Variants in PBX1 observed in about 807,000 individuals in gnomAD.
PBX1 encodes the protein PBX homeobox 1.
A neutral mutation model predicts 53.4 loss-of-function variants in PBX1; 6 were observed. That is an observed-to-expected ratio of 0.11 (90% confidence interval 0.06 to 0.22). The LOEUF (loss-of-function observed/expected upper bound fraction) is 0.22, where lower values mean the gene tolerates loss of function less well. Among genes scored for constraint, PBX1 ranks in the 10% least tolerant of loss-of-function variants. PBX1 has a pLI of 1.00. For synonymous variants in PBX1, 204 were observed against 212.3 expected (o/e 0.96, Z 0.34); for missense variants, 251 against 551.4 (o/e 0.46, Z 5.46).
chr1:164,635,257 C>T (rs536301057), intron 2 of PBX1, among the ~76,000 whole-genome samples: 2 of 152,196 alleles, frequency 1.3e-5, no homozygotes, highest in South Asian at 4.1e-4. Context: ...CCCCTGCTCC[C>T]CTGCTGTGTC....
At chr1:164,624,389 A>T (rs1316914564) in intron 2 of PBX1, among the ~76,000 whole-genome samples, 1 of 152,216 alleles carries the variant, frequency 6.6e-6, no homozygotes, top group East Asian at 1.9e-4. Flanking sequence ...GTAGGAGTAA[A>T]ACAAGGAGTG....
chr1:164,648,814 G>A, intron 2 of PBX1, among the ~76,000 whole-genome samples: 1 of 152,232 alleles, frequency 6.6e-6, no homozygotes, highest in Admixed American at 6.5e-5. Context: ...GAGCAAGGCA[G>A]TGTAATGTAA....
rs1012056010 is a variant in PBX1, at chr1:164,724,013, G to A, written c.266-68481G>A. The stretch of plus-strand genomic sequence containing the variant: ...GTAGTCTGTGGGTCTACCTGAACAC[G>A]TATGCTTACCAGAAACAAGGTTCTT... On this transcript the variant is annotated intron_variant, in intron 2 of 8. Transcript: ENST00000420696. Among the ~76,000 whole-genome samples, 4 of 152,224 alleles carry A rather than the reference G, an allele frequency of 2.6e-5. No individual in the cohort carries two copies. In the East Asian group the frequency reaches 7.7e-4, roughly 29 times the overall value.
intron 2 of PBX1, among the ~76,000 whole-genome samples, chr1:164,594,205 T>TCA (rs1164064465): frequency 1.3e-5 from 2 of 152,136 alleles, no homozygotes; most frequent in African/African-American, 4.8e-5. Flanking sequence ...TGTAGGAAGA[T>TCA]CACGCAGAAG....
At chr1:164,733,992 G>C (rs80290268) in intron 2 of PBX1, among the ~76,000 whole-genome samples, 4 of 152,120 alleles carry the variant, frequency 2.6e-5, no homozygotes, top group Non-Finnish European at 5.9e-5. Flanking sequence ...GGGCTTTGGC[G>C]TATGCATGCA....
chr1:164,641,714 T>C (rs1659158441), intron 2 of PBX1: 1 of 152,198 alleles, frequency 6.6e-6, no homozygotes, highest in African/African-American at 2.4e-5. Context: ...TTTTAAGAAT[T>C]CCAGATTTTA....
chr1:164,740,795 TAAG>T (rs1284775767), intron 2 of PBX1, among the ~76,000 whole-genome samples: 1 of 152,186 alleles, frequency 6.6e-6, no homozygotes, highest in Admixed American at 6.5e-5. Flanking sequence ...CAGTACTTAA[TAAG>T]AAGTACTTTA....
intron 2 of PBX1, among the ~76,000 whole-genome samples, chr1:164,592,517 T>G (rs1243171728): frequency 1.3e-5 from 2 of 152,218 alleles, no homozygotes; most frequent in African/African-American, 4.8e-5. Flanking sequence ...TTACCATTTC[T>G]CCTTGTCATT....
At chr1:164,660,988 A>G (rs550553760) in intron 2 of PBX1, among the ~76,000 whole-genome samples, 1 of 152,162 alleles carries the variant, frequency 6.6e-6, no homozygotes, top group Non-Finnish European at 1.5e-5. Flanking sequence ...AACCCAGAGA[A>G]TTGCCAGCTG....
intron 2 of PBX1, among the ~76,000 whole-genome samples, chr1:164,685,343 T>A (rs757479823): frequency 7.2e-5 from 11 of 152,226 alleles, no homozygotes; most frequent in Non-Finnish European, 1.5e-4. Flanking sequence ...GTTCTATTTA[T>A]ATGAAAAATG....
In PBX1 at chr1:164,822,726, T is replaced by A. The variant is rs375738367; in HGVS notation, c.1200+1100T>A. ...TAAAAGAGAAAATTTGGGGGTTACA[T>A]AGTAGTGTAAGGCATGCTAACACTA... On this transcript the variant is annotated intron_variant, in intron 8 of 8. Coordinates refer to ENST00000420696, the MANE Select transcript of PBX1 (RefSeq NM_002585.4). Among the ~76,000 whole-genome samples, 3 of 152,304 alleles carry A rather than the reference T, an allele frequency of 2.0e-5. No homozygotes were observed. In the East Asian group the frequency reaches 5.8e-4, roughly 29 times the overall value.
chr1:164,835,742 T>C (rs924678707), intron 8 of PBX1, among the ~76,000 whole-genome samples: 4 of 152,126 alleles, frequency 2.6e-5, no homozygotes, highest in Non-Finnish European at 4.4e-5. Context: ...AGGACTCCTG[T>C]GGAATAAGGC....
At chr1:164,579,334 A>G (rs974805297) in intron 2 of PBX1, among the ~76,000 whole-genome samples, 1 of 151,108 alleles carries the variant, frequency 6.6e-6, no homozygotes, top group South Asian at 2.1e-4. Context: ...GTCATCTTTC[A>G]CTTTCATACC....
chr1:164,614,508 T>C (rs1657140635), intron 2 of PBX1, among the ~76,000 whole-genome samples: 1 of 152,092 alleles, frequency 6.6e-6, no homozygotes, highest in Non-Finnish European at 1.5e-5. Flanking sequence ...TCCCCTATTC[T>C]CTATGTTGAC....
intron 2 of PBX1, among the ~76,000 whole-genome samples, chr1:164,618,301 G>GGT (rs1553217615): frequency 7.0e-6 from 1 of 142,182 alleles, no homozygotes; most frequent in Non-Finnish European, 1.6e-5. Context: ...TCACGGCGGG[G>GGT]GGGGGGGGGC....
At chr1:164,589,063 C>T (rs895835848) in intron 2 of PBX1, among the ~76,000 whole-genome samples, 1 of 152,114 alleles carries the variant, frequency 6.6e-6, no homozygotes, top group Non-Finnish European at 1.5e-5. Flanking sequence ...CAAAGTGGCG[C>T]AGACCTTTTC....
chr1:164,669,475 C>T (rs1014146363), intron 2 of PBX1, among the ~76,000 whole-genome samples: 15 of 152,178 alleles, frequency 9.9e-5, no homozygotes, highest in Non-Finnish European at 2.1e-4. Flanking sequence ...GTGGGTGTTG[C>T]AGGTGAGCAA....
Position 164,600,246 on chromosome 1 carries a change from CTTTTTTTTTTT to C in PBX1, c.265+36948_265+36958del, listed in dbSNP as rs71097539. ...ATTAAGAGCCTAAAGTATGCTGCTG[CTTTTTTTTTTT>C]TTTTTTTTTTTTGATACAGAGTCTT... is the stretch of plus-strand genomic sequence containing the variant. On this transcript the variant is annotated intron_variant, in intron 2 of 8. Coordinates refer to ENST00000420696, the MANE Select transcript of PBX1 (RefSeq NM_002585.4). Among the ~76,000 whole-genome samples the C allele has an allele frequency of 5.0e-4, 61 of 121,860 alleles. 1 individual carries two copies. Among genetic ancestry groups the C allele is most frequent in the African/African-American group, 1.4e-3 (49 of 34,434 alleles). The allele number at this position is 121,860 out of a possible 152,430, so 79.9% of individuals were successfully genotyped here. A position where few individuals can be genotyped will look rare whatever the true frequency, so the allele number is the denominator to read the frequency against.
chr1:164,762,512 A>T (rs1350874028), intron 2 of PBX1, among the ~76,000 whole-genome samples: 1 of 152,236 alleles, frequency 6.6e-6, no homozygotes, highest in African/African-American at 2.4e-5. Flanking sequence ...CTTCATTTTC[A>T]TATCAGCTTA....
Sources: allele counts gnomAD v4.1 joint callset (sites outside exome capture counted in the v4.1 genomes callset), GRCh38; gene constraint gnomAD v4.1.1; transcripts MANE v1.5; gene names NCBI Gene and HGNC (gene_info 2026-07-23, HGNC 2026-07-21).